POMZP3: variants seen among roughly 807,000 people sequenced by gnomAD.
POMZP3 encodes the protein POM121 and ZP3 fusion, also known as POM121 and ZP3 fusion protein.
Under a neutral mutation model 19.8 loss-of-function variants are expected in POMZP3, and 10 were observed. The ratio of observed to expected loss-of-function variants is 0.51; its 90% confidence interval spans 0.31 to 0.86. POMZP3 has a LOEUF of 0.86. POMZP3 is among the 40% of genes least tolerant of loss of function. The pLI, the probability that POMZP3 is intolerant of heterozygous loss-of-function variation, is 0.04. For synonymous variants in POMZP3, 57 were observed against 85.8 expected (o/e 0.66, Z 1.85); for missense variants, 152 against 228.1 (o/e 0.67, Z 2.15).
Position 76,626,801 on chromosome 7 carries a change from G to A in POMZP3, c.-245C>T. On this transcript the variant is annotated 5_prime_UTR_variant, in exon 1 of 7. Transcript: ENST00000310842. ...ATGGGTCGGCGGGGAGGGCGGTGTG[G>A]AGCGCGGCGCCGGGCGGGCGGGCGG... 3 of 1,389,734 alleles carry A rather than the reference G, an allele frequency of 2.2e-6. No individual in the cohort carries two copies. The highest frequency in any genetic ancestry group is 2.3e-4 in the Middle Eastern group (1 of 4,268). The allele number at this position is 1,389,734 out of a possible 1,614,324, so 86.1% of individuals were successfully genotyped here. A position where few individuals can be genotyped will look rare whatever the true frequency, so the allele number is the denominator to read the frequency against.
chr7:76,612,050 T>C (rs1461834559), intron 4 of POMZP3, among the ~76,000 whole-genome samples: 7 of 146,608 alleles, frequency 4.8e-5, no homozygotes, highest in African/African-American at 1.3e-4. Flanking sequence ...AATACAAAGT[T>C]AGCTGGGCGT....
rs1205418797 is a variant in POMZP3 at position 76,627,119 on chromosome 7, C to G, written c.-563G>C. On this transcript the variant is annotated 5_prime_UTR_variant, in exon 1 of 7. Coordinates refer to ENST00000310842, the MANE Select transcript of POMZP3 (RefSeq NM_012230.5). ...GTCCCCACGGCCAGCCAGGCCAGCG[C>G]AGCCGCAGCAGGCACGAGGTACAGT... is the stretch of plus-strand genomic sequence containing the variant. 2.2e-6 allele frequency: 3 copies of G among 1,373,324 alleles called. No individual in the cohort carries two copies. The Admixed American group carries it at 8.1e-5, about 37-fold the overall frequency. The allele number at this position is 1,373,324 out of a possible 1,614,324, so 85.1% of individuals were successfully genotyped here.
intron 4 of POMZP3, among the ~76,000 whole-genome samples, chr7:76,616,922 C>G (rs1815310423): frequency 1.1e-5 from 1 of 93,846 alleles, no homozygotes; most frequent in African/African-American, 4.4e-5. Flanking sequence ...CTTTGGGAGA[C>G]CGAGGCAGGC....
chr7:76,625,366 A>C (rs1313647853), intron 3 of POMZP3, among the ~76,000 whole-genome samples, 156 bp downstream of exon 3: 3 of 151,424 alleles, frequency 2.0e-5, no homozygotes, highest in East Asian at 3.9e-4. Flanking sequence ...CAGCATTAAA[A>C]CCCCTGTTAT....
At chr7:76,615,844 G>A (rs1815261814) in intron 4 of POMZP3, among the ~76,000 whole-genome samples, 1 of 85,838 alleles carries the variant, frequency 1.2e-5, no homozygotes, top group South Asian at 3.8e-4. Flanking sequence ...GCACTCAGTA[G>A]TGGCGTATGC....
chr7:76,626,204 G>C lies in POMZP3; in HGVS notation c.-140C>G. 2.6e-6 allele frequency: 4 copies of C among 1,558,762 alleles called. No homozygotes were observed. The highest frequency in any genetic ancestry group is 3.5e-6 in the Non-Finnish European group (4 of 1,150,152). ...TGTTATTACAAACCGATCTGGTAAA[G>C]TCCCACGATCCCTGCAGAGAATGCG... On this transcript the variant is annotated 5_prime_UTR_variant, in exon 2 of 7. Transcript: ENST00000310842.
rs1431170810 is a variant in POMZP3 at position 76,616,093 on chromosome 7, G to C, written c.345+2090C>G. Among the ~76,000 whole-genome samples the C allele has an allele frequency of 3.2e-5, 4 of 124,076 alleles. No individual in the cohort carries two copies. The South Asian group carries it at 8.5e-4, about 26-fold the overall frequency. The allele number at this position is 124,076 out of a possible 152,430, so 81.4% of individuals were successfully genotyped here. ...AGGTCAAGAGTTCAAGACCAGCCTGGCCAAAATGATGAAACCCTGTCTCTA... is the reference window on the plus strand; with the variant it reads ...AGGTCAAGAGTTCAAGACCAGCCTGCCCAAAATGATGAAACCCTGTCTCTA... On this transcript the variant is annotated intron_variant, in intron 4 of 6. Transcript: ENST00000310842.
At chr7:76,621,188 C>G (rs568453899) in intron 3 of POMZP3, 48 of 150,962 alleles carry the variant, frequency 3.2e-4, no homozygotes, top group African/African-American at 1.1e-3. Context: ...AAATAATGAG[C>G]AAAGCAGCTG....
intron 3 of POMZP3, among the ~76,000 whole-genome samples, chr7:76,624,769 A>C: frequency 6.6e-6 from 1 of 151,488 alleles, no homozygotes; most frequent in Non-Finnish European, 1.5e-5. Flanking sequence ...TAATCTCATT[A>C]CTGATAAAAC....
intron 3 of POMZP3, chr7:76,621,418 A>C (rs1815553554): frequency 6.8e-6 from 1 of 147,900 alleles, no homozygotes. Flanking sequence ...CTTCAGAGGC[A>C]CTAAGAAATG....
In POMZP3 at chr7:76,626,689, G is replaced by C. The variant is rs147578134; in HGVS notation, c.-152+19C>G. 0.033 allele frequency: 45,713 copies of C among 1,378,256 alleles called. 894 individuals are homozygous for C. Among genetic ancestry groups the C allele is most frequent in the Non-Finnish European group, 0.038 (40,524 of 1,071,952 alleles). 85.4% of individuals were successfully genotyped at this position (1,378,256 alleles called of 1,614,324 possible). ...CCAGCCGAGCCAAAGGATGATCTGG[G>C]AAAATCAGCGCATCTCACCGTGGGG... is the stretch of plus-strand genomic sequence containing the variant. On this transcript the variant is annotated intron_variant, in intron 1 of 6. Transcript: ENST00000310842.
chr7:76,625,461 A>G (rs1007152451), intron 3 of POMZP3, 61 bp downstream of exon 3: 39 of 1,598,840 alleles, frequency 2.4e-5, no homozygotes, highest in Non-Finnish European at 3.0e-5. Flanking sequence ...GGGAATGTCT[A>G]CATCTCATCC....
In POMZP3 at chr7:76,611,601, A is replaced by G; in HGVS notation, c.438-10T>C. 6.3e-7 allele frequency: 1 copy of G among 1,594,518 alleles called. No homozygotes were observed. Among genetic ancestry groups the G allele is most frequent in the Non-Finnish European group, 8.6e-7 (1 of 1,166,116 alleles). ...TTCCACTGGGAACCAGCTGAGATGA[A>G]AGAGAAGCAGCTTAGATTTTTGTTG... On this transcript the variant is annotated splice_polypyrimidine_tract_variant and intron_variant, in intron 5 of 6. Transcript: ENST00000310842.
chr7:76,621,739 G>T (rs963913165), intron 3 of POMZP3, among the ~76,000 whole-genome samples: 1 of 151,706 alleles, frequency 6.6e-6, no homozygotes, highest in African/African-American at 2.4e-5. Context: ...AGGAGATCGA[G>T]ACCATCCTGG....
intron 3 of POMZP3, among the ~76,000 whole-genome samples, chr7:76,624,448 A>C (rs1269452620): frequency 9.5e-6 from 1 of 104,966 alleles, no homozygotes; most frequent in African/African-American, 4.5e-5. Flanking sequence ...AAACCACATA[A>C]GGAATTTTTT....
intron 3 of POMZP3, chr7:76,621,481 G>T (rs1372884261): frequency 6.6e-6 from 1 of 150,850 alleles, no homozygotes; most frequent in African/African-American, 2.4e-5. Context: ...TTCTACTATT[G>T]TCAGAGGCGG....
chr7:76,614,574 A>C lies in POMZP3; in HGVS notation c.346-2761T>G, dbSNP rs28546339. Among the ~76,000 whole-genome samples the C allele has an allele frequency of 7.2e-4, 60 of 83,600 alleles. 23 individuals are homozygous for C. The highest frequency in any genetic ancestry group is 1.4e-3 in the Non-Finnish European group (57 of 40,094). The allele number at this position is 83,600 out of a possible 152,430, so 54.8% of individuals were successfully genotyped here. The stretch of plus-strand genomic sequence containing the variant: ...ACACTCCATTTCCCCCAAAAAAAAA[A>C]AAAAAAAAGAGGGGAGTGTGATAGC... On this transcript the variant is annotated intron_variant, in intron 4 of 6. Coordinates refer to ENST00000310842, the MANE Select transcript of POMZP3 (RefSeq NM_012230.5).
Position 76,614,572 on chromosome 7 carries a change from A to AAC in POMZP3, c.346-2760_346-2759insGT, listed in dbSNP as rs1426209579. 3.2e-3 allele frequency among the ~76,000 whole-genome samples: 266 copies of AAC among 83,414 alleles called. 1 individual carries two copies. The highest frequency in any genetic ancestry group is 0.013 in the African/African-American group (251 of 18,794). The allele number at this position is 83,414 out of a possible 152,430, so 54.7% of individuals were successfully genotyped here. On this transcript the variant is annotated intron_variant, in intron 4 of 6. Transcript: ENST00000310842. Reference sequence around the variant, plus strand: ...TGACACTCCATTTCCCCCAAAAAAAAAAAAAAAAAAGAGGGGAGTGTGATA... The same window carrying AAC: ...TGACACTCCATTTCCCCCAAAAAAAAACAAAAAAAAAAGAGGGGAGTGTGATA...
In POMZP3 at chr7:76,615,254, T is replaced by C. The variant is rs1234617109; in HGVS notation, c.345+2929A>G. 2.0e-5 allele frequency among the ~76,000 whole-genome samples: 2 copies of C among 97,920 alleles called. 1 individual carries two copies. The highest frequency in any genetic ancestry group is 8.4e-5 in the African/African-American group (2 of 23,858). The allele number at this position is 97,920 out of a possible 152,430, so 64.2% of individuals were successfully genotyped here. On this transcript the variant is annotated intron_variant, in intron 4 of 6. Transcript: ENST00000310842. The stretch of plus-strand genomic sequence containing the variant: ...AACTTCTCCCCATCTTCTTCCCAAA[T>C]GGCCACACCTGAGGTCAATCTTGAC...
Sources: gnomAD v4.1 joint callset for allele counts (sites outside exome capture counted in the v4.1 genomes callset) on GRCh38, gnomAD v4.1.1 for gene constraint, MANE v1.5 for transcripts, NCBI Gene and HGNC (gene_info 2026-07-23, HGNC 2026-07-21) for gene names.